AKT3: variants seen among roughly 807,000 people sequenced by gnomAD.
AKT3 encodes the protein AKT serine/threonine kinase 3, also known as RAC-gamma serine/threonine-protein kinase.
In AKT3, 15 loss-of-function variants were observed where a neutral mutation model predicts 65.3. The ratio of observed to expected loss-of-function variants is 0.23; its 90% confidence interval spans 0.15 to 0.35. The LOEUF is 0.35. AKT3 is among the 10% of genes least tolerant of loss of function. The pLI, the probability that AKT3 is intolerant of heterozygous loss-of-function variation, is 1.00. For synonymous variants in AKT3, 206 were observed against 183.8 expected (o/e 1.12, Z -0.98); for missense variants, 243 against 576.5 (o/e 0.42, Z 5.92).
chr1:243,709,757 A>G (rs984786486), intron 2 of AKT3, among the ~76,000 whole-genome samples: 3 of 152,154 alleles, frequency 2.0e-5, no homozygotes, highest in Admixed American at 2.0e-4. Flanking sequence ...TTACGTTTAA[A>G]TATCTCTTCA....
At chr1:243,804,371 G>C (rs1426807897) in intron 2 of AKT3, among the ~76,000 whole-genome samples, 2 of 152,058 alleles carry the variant, frequency 1.3e-5, no homozygotes, top group South Asian at 2.1e-4. Flanking sequence ...TCCTAAATAA[G>C]GTTATTCTAA....
At position 243,831,857 on chromosome 1, in the gene AKT3, T is replaced by C. The variant is rs74518194; in HGVS notation, c.46+11268A>G. On this transcript the variant is annotated intron_variant, in intron 2 of 13. Coordinates refer to ENST00000673466, the MANE Select transcript of AKT3 (RefSeq NM_005465.7). ...TTTTTGAAGAAATTCAATCTATTCC[T>C]AAACGTCAAGAAAGAAACAAAATCT... 8.7e-3 allele frequency among the ~76,000 whole-genome samples: 1,330 copies of C among 152,094 alleles called. 15 individuals carry two copies. Among genetic ancestry groups the C allele is most frequent in the African/African-American group, 0.03 (1,260 of 41,486 alleles).
intron 2 of AKT3, among the ~76,000 whole-genome samples, chr1:243,820,949 C>T (rs1693822523): frequency 6.6e-6 from 1 of 152,040 alleles, no homozygotes; most frequent in East Asian, 1.9e-4. Flanking sequence ...GTAAGATACT[C>T]CATGAGAAGA....
intron 2 of AKT3, among the ~76,000 whole-genome samples, chr1:243,782,466 C>T (rs1690974707): frequency 6.6e-6 from 1 of 152,166 alleles, no homozygotes; most frequent in African/African-American, 2.4e-5. Context: ...AAGAAGCTAA[C>T]TACTTCACTG....
intron 2 of AKT3, among the ~76,000 whole-genome samples, chr1:243,715,256 T>C (rs1686432788): frequency 6.6e-6 from 1 of 152,042 alleles, no homozygotes; most frequent in South Asian, 2.1e-4. Context: ...CTACAATAAA[T>C]CTCCATTTTG....
intron 3 of AKT3, among the ~76,000 whole-genome samples, chr1:243,674,569 C>A (rs895255228): frequency 2.6e-5 from 4 of 152,156 alleles, no homozygotes; most frequent in African/African-American, 9.7e-5. Context: ...TTCCATAAGA[C>A]AGAACTTTCA....
Position 243,815,535 on chromosome 1 carries a change from T to C in AKT3, c.46+27590A>G, listed in dbSNP as rs1693456339. Reference sequence around the variant, plus strand: ...AATGTTTCAAAATCCTTCAAGCTTGTAGCCAGTTCCAAATTCAAAAGACAG... The same window carrying C: ...AATGTTTCAAAATCCTTCAAGCTTGCAGCCAGTTCCAAATTCAAAAGACAG... On this transcript the variant is annotated intron_variant, in intron 2 of 13. Transcript: ENST00000673466. Among the ~76,000 whole-genome samples, 2 of 152,052 alleles carry C rather than the reference T, an allele frequency of 1.3e-5. 1 individual carries two copies. The highest frequency in any genetic ancestry group is 4.1e-4 in the South Asian group (2 of 4,828).
chr1:243,823,006 T>C (rs1313792278), intron 2 of AKT3, among the ~76,000 whole-genome samples: 1 of 152,152 alleles, frequency 6.6e-6, no homozygotes, highest in Non-Finnish European at 1.5e-5. Flanking sequence ...ATATCCCTGA[T>C]GAACATTAAT....
chr1:243,794,563 C>A (rs757257794), intron 2 of AKT3, among the ~76,000 whole-genome samples: 2 of 152,182 alleles, frequency 1.3e-5, no homozygotes, highest in Non-Finnish European at 2.9e-5. Flanking sequence ...TTATAACATT[C>A]TTTTCAACCC....
At chr1:243,838,415 A>C (rs1224039131) in intron 2 of AKT3, among the ~76,000 whole-genome samples, 1 of 152,138 alleles carries the variant, frequency 6.6e-6, no homozygotes, top group Non-Finnish European at 1.5e-5. Context: ...AGTAAACAGG[A>C]AATCATACTG....
intron 5 of AKT3, among the ~76,000 whole-genome samples, chr1:243,642,458 C>G (rs372347286): frequency 5.0e-4 from 76 of 152,212 alleles, no homozygotes; most frequent in Admixed American, 4.8e-3. Flanking sequence ...TACAGGCGCC[C>G]GCCACCACGC....
At chr1:243,547,516 C>T (rs1327381481) in intron 11 of AKT3, among the ~76,000 whole-genome samples, 1 of 152,086 alleles carries the variant, frequency 6.6e-6, no homozygotes, top group Non-Finnish European at 1.5e-5. Context: ...AATACAGATG[C>T]TCCTAAACTT....
chr1:243,851,049 C>T (rs1695768429), upstream of AKT3: 1 of 152,370 alleles, frequency 6.6e-6, no homozygotes, highest in Non-Finnish European at 1.5e-5. Context: ...GGGCTCGCAC[C>T]TGGAAGCCCA....
intron 2 of AKT3, among the ~76,000 whole-genome samples, chr1:243,834,317 T>C (rs1335809953): frequency 6.6e-6 from 1 of 152,162 alleles, no homozygotes; most frequent in Non-Finnish European, 1.5e-5. Context: ...TGGAATATTA[T>C]GCAGCCATAA....
At chr1:243,569,824 G>A (rs1042425465) in intron 9 of AKT3, among the ~76,000 whole-genome samples, 2 of 152,104 alleles carry the variant, frequency 1.3e-5, no homozygotes, top group African/African-American at 2.4e-5. Context: ...TTCAGCCTAC[G>A]CTGTGCTTAG....
Position 243,500,206 on chromosome 1 carries a change from C to A in AKT3, c.*5043G>T, listed in dbSNP as rs895373921. 1 of 260,886 alleles carries A rather than the reference C, an allele frequency of 3.8e-6. No homozygotes were observed. The highest frequency in any genetic ancestry group is 2.2e-5 in the African/African-American group (1 of 46,014). The allele number at this position is 260,886 out of a possible 1,614,324, so 16.2% of individuals were successfully genotyped here. A position where few individuals can be genotyped will look rare whatever the true frequency, so the allele number is the denominator to read the frequency against. On this transcript the variant is annotated 3_prime_UTR_variant, in exon 14 of 14. Coordinates refer to ENST00000673466, the MANE Select transcript of AKT3 (RefSeq NM_005465.7). The stretch of plus-strand genomic sequence containing the variant: ...GGACCAAACTTTTTTTCCTGCCATT[C>A]ATTTTTCTTTTCATGATCTATATAT...
chr1:243,773,204 A>T (rs1050237251), intron 2 of AKT3, among the ~76,000 whole-genome samples: 77 of 145,944 alleles, frequency 5.3e-4, no homozygotes, highest in East Asian at 1.4e-3. Context: ...TATATATATA[A>T]AAAATATATA....
upstream of AKT3, chr1:243,851,028 G>T (rs1213553586): frequency 6.6e-6 from 1 of 152,306 alleles, no homozygotes; most frequent in Non-Finnish European, 1.5e-5. Flanking sequence ...GGGGAGATGG[G>T]CCCGGCGCGA....
chr1:243,609,437 C>A (rs1277509671), intron 8 of AKT3, among the ~76,000 whole-genome samples: 1 of 151,842 alleles, frequency 6.6e-6, no homozygotes, highest in East Asian at 1.9e-4. Flanking sequence ...GTGGGCAGAT[C>A]ACTTGAGGTC....
Sources: allele counts gnomAD v4.1 joint callset (sites outside exome capture counted in the v4.1 genomes callset), GRCh38; gene constraint gnomAD v4.1.1; transcripts MANE v1.5; gene names NCBI Gene and HGNC (gene_info 2026-07-23, HGNC 2026-07-21).